Variants in XKR9 observed in about 807,000 individuals in gnomAD.
XKR9 encodes XK-related protein 9.
A neutral mutation model predicts 32.0 loss-of-function variants in XKR9; 32 were observed. The ratio of observed to expected loss-of-function variants is 1.00; its 90% confidence interval spans 0.76 to 1.34. XKR9 has a LOEUF of 1.34. XKR9 is among the 40% of genes most tolerant of loss of function. XKR9 has a pLI of 0.00. For synonymous variants in XKR9, 168 were observed against 143.4 expected (o/e 1.17, Z -1.22); for missense variants, 546 against 429.7 (o/e 1.27, Z -2.39).
the XKR9 span, among the ~76,000 whole-genome samples, chr8:70,845,124 C>T: frequency 6.6e-6 from 1 of 152,334 alleles, no homozygotes; most frequent in East Asian, 1.9e-4. Flanking sequence ...CTCACCACAG[C>T]CTCTATTAAC....
chr8:70,888,100 A>G, the XKR9 span, among the ~76,000 whole-genome samples: 111 of 152,050 alleles, frequency 7.3e-4, no homozygotes, highest in Middle Eastern at 3.4e-3. Flanking sequence ...GCTCTTTTTT[A>G]ATATACAATA....
the XKR9 span, among the ~76,000 whole-genome samples, chr8:70,801,039 C>A: frequency 5.1e-5 from 5 of 98,192 alleles, no homozygotes; most frequent in South Asian, 1.5e-3. Flanking sequence ...TTTGTCATTT[C>A]TGATTTTTTA....
chr8:70,866,414 G>A, the XKR9 span, among the ~76,000 whole-genome samples: 5 of 152,182 alleles, frequency 3.3e-5, no homozygotes, highest in Non-Finnish European at 7.3e-5. Flanking sequence ...TGATTGTGAA[G>A]GCAGTGGCAT....
the XKR9 span, among the ~76,000 whole-genome samples, chr8:71,048,371 C>A: frequency 6.6e-6 from 1 of 152,056 alleles, no homozygotes; most frequent in Admixed American, 6.5e-5. Flanking sequence ...GAAATGTTGA[C>A]TCTCTTCTCT....
the XKR9 span, among the ~76,000 whole-genome samples, chr8:71,037,202 T>C: frequency 2.0e-5 from 3 of 152,208 alleles, no homozygotes; most frequent in Non-Finnish European, 4.4e-5. Context: ...AATAAAAACA[T>C]ATGACATGCT....
chr8:71,058,062 T>G, the XKR9 span, among the ~76,000 whole-genome samples: 1 of 151,826 alleles, frequency 6.6e-6, no homozygotes, highest in Non-Finnish European at 1.5e-5. Context: ...GCGCCTGTAG[T>G]CCCAACTACT....
intron 2 of XKR9, among the ~76,000 whole-genome samples, chr8:70,762,924 A>T (rs1175703806): frequency 6.6e-6 from 1 of 152,150 alleles, no homozygotes; most frequent in Non-Finnish European, 1.5e-5. Context: ...TATTCCTCCA[A>T]CAAAATATAT....
At chr8:70,755,193 TC>T (rs1807202366) in intron 2 of XKR9, among the ~76,000 whole-genome samples, 1 of 152,124 alleles carries the variant, frequency 6.6e-6, no homozygotes, top group African/African-American at 2.4e-5. Context: ...GAAATGCAAA[TC>T]AAAGCCACAA....
At chr8:70,936,227 T>C in the XKR9 span, among the ~76,000 whole-genome samples, 38 of 152,222 alleles carry the variant, frequency 2.5e-4, no homozygotes, top group East Asian at 6.6e-3. Flanking sequence ...GAAAGCCTAA[T>C]AGAAGGCTTT....
the XKR9 span, among the ~76,000 whole-genome samples, chr8:70,806,972 C>G: frequency 6.6e-6 from 1 of 151,978 alleles, no homozygotes; most frequent in East Asian, 1.9e-4. Context: ...TCTTCAGATT[C>G]TCAATGTTGA....
At chr8:70,800,608 C>A in the XKR9 span, among the ~76,000 whole-genome samples, 1 of 152,112 alleles carries the variant, frequency 6.6e-6, no homozygotes, top group South Asian at 2.1e-4. Context: ...GCCTCAGCCT[C>A]CCAAGTAGGT....
intron 2 of XKR9, among the ~76,000 whole-genome samples, chr8:70,783,328 G>A (rs4086497): frequency 3.4e-4 from 51 of 151,560 alleles, no homozygotes; most frequent in Middle Eastern, 6.8e-3. Context: ...CTGGGTTCAC[G>A]CCATTGTCCT....
the XKR9 span, among the ~76,000 whole-genome samples, chr8:71,007,565 A>G: frequency 2.0e-5 from 3 of 152,220 alleles, no homozygotes; most frequent in East Asian, 1.9e-4. Flanking sequence ...AAAATGTGTC[A>G]CAAAATTATA....
chr8:70,740,401 C>G (rs1271196251), downstream of XKR9, among the ~76,000 whole-genome samples: 1 of 152,030 alleles, frequency 6.6e-6, no homozygotes, highest in African/African-American at 2.4e-5. Context: ...AACTTCTTTG[C>G]CTTTGGTTTG....
chr8:70,814,461 AT>A, the XKR9 span, among the ~76,000 whole-genome samples: 6 of 151,802 alleles, frequency 4.0e-5, no homozygotes, highest in African/African-American at 1.4e-4. Context: ...AAATAAAAAA[AT>A]AAAAATAAAT....
the XKR9 span, among the ~76,000 whole-genome samples, chr8:70,882,209 A>G: frequency 6.6e-6 from 1 of 152,168 alleles, no homozygotes; most frequent in Non-Finnish European, 1.5e-5. Context: ...ATGTATACCT[A>G]TGTATCAAAC....
chr8:70,998,039 C>A, the XKR9 span, among the ~76,000 whole-genome samples: 1 of 152,122 alleles, frequency 6.6e-6, no homozygotes, highest in Non-Finnish European at 1.5e-5. Context: ...CATAACTGAG[C>A]CTTTTTCAAT....
chr8:70,760,241 T>C (rs1302779804), intron 2 of XKR9, among the ~76,000 whole-genome samples: 6 of 152,238 alleles, frequency 3.9e-5, no homozygotes, highest in Non-Finnish European at 7.3e-5. Context: ...ATTCTCAAAC[T>C]ACTTTGTAAA....
chr8:70,781,503 C>T (rs1395731792), intron 2 of XKR9, among the ~76,000 whole-genome samples: 1 of 149,724 alleles, frequency 6.7e-6, no homozygotes, highest in Non-Finnish European at 1.5e-5. Flanking sequence ...TCAGCATATC[C>T]ATTAACTCAA....
Sources: gnomAD v4.1 joint callset for allele counts (sites outside exome capture counted in the v4.1 genomes callset) on GRCh38, gnomAD v4.1.1 for gene constraint, MANE v1.5 for transcripts, NCBI Gene and HGNC (gene_info 2026-07-23, HGNC 2026-07-21) for gene names.